Variants in ADAM12 observed in about 807,000 individuals in gnomAD.
ADAM12 encodes the protein ADAM metallopeptidase domain 12, also known as disintegrin and metalloproteinase domain-containing protein 12.
Under a neutral mutation model 106.4 loss-of-function variants are expected in ADAM12, and 70 were observed. The observed-to-expected ratio is 0.66, with a 90% CI of 0.54 to 0.80. The LOEUF (loss-of-function observed/expected upper bound fraction) is 0.80, where lower values mean the gene tolerates loss of function less well. Among genes scored for constraint, ADAM12 ranks in the 30% least tolerant of loss-of-function variants. The pLI is 0.00. For missense variants in ADAM12, 1,010 were observed against 1,171.9 expected (o/e 0.86, Z 2.02); for synonymous variants, 420 against 433.5 (o/e 0.97, Z 0.39).
rs537791746 is a variant in ADAM12, at chr10:126,172,979, C to G, written c.261-17674G>C. The stretch of plus-strand genomic sequence containing the variant: ...GTGGGGACATGGATGAAGCTAGAAA[C>G]CATCATTCTTAGCAAACTAACACAA... On this transcript the variant is annotated intron_variant, in intron 3 of 22. Transcript: ENST00000448723. 2.0e-5 allele frequency among the ~76,000 whole-genome samples: 3 copies of G among 152,236 alleles called. No homozygotes were observed. In the South Asian group the frequency reaches 6.2e-4, roughly 32 times the overall value.
At chr10:126,027,876 G>A (rs1482536003) in intron 21 of ADAM12, among the ~76,000 whole-genome samples, 3 of 152,166 alleles carry the variant, frequency 2.0e-5, no homozygotes, top group Non-Finnish European at 2.9e-5. Flanking sequence ...GAGAAAGGAA[G>A]TGTATTCAAA....
chr10:126,345,844 G>C (rs1346059164), intron 1 of ADAM12, among the ~76,000 whole-genome samples: 2 of 152,156 alleles, frequency 1.3e-5, no homozygotes, highest in Non-Finnish European at 2.9e-5. Flanking sequence ...ATGGTAGTTT[G>C]TATTTCTGTA....
At chr10:126,250,316 C>T (rs1320759443) in intron 3 of ADAM12, among the ~76,000 whole-genome samples, 1 of 152,130 alleles carries the variant, frequency 6.6e-6, no homozygotes, top group East Asian at 1.9e-4. Flanking sequence ...ACAAACAGTG[C>T]TCTCTAAGAT....
chr10:126,050,529 C>A (rs1370440133), intron 14 of ADAM12, among the ~76,000 whole-genome samples: 2 of 152,344 alleles, frequency 1.3e-5, no homozygotes, highest in Non-Finnish European at 1.5e-5. Context: ...CTGTTTGGCA[C>A]TTTATCTCAC....
chr10:126,365,805 G>A (rs1303388706), intron 1 of ADAM12, among the ~76,000 whole-genome samples: 2 of 152,170 alleles, frequency 1.3e-5, no homozygotes, highest in African/African-American at 4.8e-5. Flanking sequence ...TGGGGACACA[G>A]CCAAACCATA....
In ADAM12 at chr10:126,049,842, C is replaced by T. The variant is rs748782693; in HGVS notation, c.1610-173G>A. ...GGAAGCCTAGGGTGTCAGCAGCTCG[C>T]ATCCTCTCTTGACTCGGCCTCTGGC... On this transcript the variant is annotated intron_variant, in intron 14 of 22. Coordinates refer to ENST00000448723, the MANE Select transcript of ADAM12 (RefSeq NM_001288973.2). The surrounding 1 kb of genome is among the most constrained non-coding windows in gnomAD (Gnocchi z 4.4). 5.9e-5 allele frequency among the ~76,000 whole-genome samples: 9 copies of T among 152,168 alleles called. No homozygotes were observed. The highest frequency in any genetic ancestry group is 1.0e-4 in the Non-Finnish European group (7 of 68,036).
chr10:126,238,590 T>C (rs1258503917), intron 3 of ADAM12, among the ~76,000 whole-genome samples: 1 of 152,222 alleles, frequency 6.6e-6, no homozygotes, highest in Non-Finnish European at 1.5e-5. Flanking sequence ...AAACTGCATG[T>C]TGCGTACTTT....
intron 1 of ADAM12, among the ~76,000 whole-genome samples, chr10:126,369,200 A>G (rs1432240833): frequency 1.3e-5 from 2 of 152,208 alleles, no homozygotes; most frequent in African/African-American, 4.8e-5. Flanking sequence ...TTAAGAGTAG[A>G]GCTTTAGTGA....
chr10:126,075,124 T>C (rs1364670096), intron 11 of ADAM12, among the ~76,000 whole-genome samples: 1 of 152,168 alleles, frequency 6.6e-6, no homozygotes, highest in Non-Finnish European at 1.5e-5. Flanking sequence ...ATTTCCTCTA[T>C]GTAATGAAGA....
chr10:126,283,070 G>T (rs143397618), intron 2 of ADAM12, among the ~76,000 whole-genome samples: 4 of 151,670 alleles, frequency 2.6e-5, no homozygotes, highest in African/African-American at 9.7e-5. Context: ...ATCATCAGGC[G>T]TTAGATTCTC....
chr10:126,052,644 A>C (rs1340054351), intron 14 of ADAM12, among the ~76,000 whole-genome samples: 2 of 152,162 alleles, frequency 1.3e-5, no homozygotes, highest in Non-Finnish European at 2.9e-5. Flanking sequence ...GGAGTACAGA[A>C]GGATAAAAAC....
chr10:126,213,326 T>C (rs1324070604), intron 3 of ADAM12, among the ~76,000 whole-genome samples: 1 of 152,208 alleles, frequency 6.6e-6, no homozygotes, highest in East Asian at 1.9e-4. Context: ...ATATGGTTCG[T>C]TCTTTAGATA....
intron 11 of ADAM12, among the ~76,000 whole-genome samples, chr10:126,078,593 A>T (rs915764708): frequency 2.6e-5 from 4 of 152,154 alleles, no homozygotes; most frequent in Non-Finnish European, 5.9e-5. Flanking sequence ...AATTCCCAAG[A>T]CTAGTAATTG....
chr10:126,345,114 G>T (rs1855086580), intron 1 of ADAM12, among the ~76,000 whole-genome samples: 1 of 152,150 alleles, frequency 6.6e-6, no homozygotes, highest in African/African-American at 2.4e-5. Context: ...TTTTGAAAGG[G>T]AATGCTTCCA....
rs61863368 is a variant in ADAM12, at chr10:126,128,828, G to A, written c.416+6756C>T. Among the ~76,000 whole-genome samples the A allele has an allele frequency of 8.2e-3, 1,237 of 151,476 alleles. 6 individuals carry two copies. The highest frequency in any genetic ancestry group is 0.013 in the Non-Finnish European group (894 of 67,812). On this transcript the variant is annotated intron_variant, in intron 5 of 22. Coordinates refer to ENST00000448723, the MANE Select transcript of ADAM12 (RefSeq NM_001288973.2). ...TGCAAGTGGACGCCTGCGCATGTGA[G>A]TGTGTGGTGCGTGTGGGAATGTGTG... is the stretch of plus-strand genomic sequence containing the variant.
chr10:126,351,490 C>G (rs1855357241), intron 1 of ADAM12, among the ~76,000 whole-genome samples: 2 of 152,284 alleles, frequency 1.3e-5, no homozygotes, highest in Admixed American at 1.3e-4. Context: ...GACACAGAGC[C>G]CATGCATGGC....
chr10:126,144,347 G>A (rs951771028), intron 4 of ADAM12, among the ~76,000 whole-genome samples: 6 of 152,148 alleles, frequency 3.9e-5, no homozygotes, highest in East Asian at 3.9e-4. Flanking sequence ...ACATGGGGAC[G>A]CAATTCATAA....
chr10:126,270,920 T>C (rs963217210), intron 3 of ADAM12, among the ~76,000 whole-genome samples: 2 of 152,214 alleles, frequency 1.3e-5, no homozygotes, highest in Non-Finnish European at 2.9e-5. Flanking sequence ...GTGACAGCTA[T>C]TTAGATACCG....
chr10:126,147,906 T>C (rs1956658218), intron 4 of ADAM12, among the ~76,000 whole-genome samples: 1 of 152,248 alleles, frequency 6.6e-6, no homozygotes, highest in Admixed American at 6.5e-5. Context: ...GTTGACAAGA[T>C]GCATGTAACA....
Sources: gnomAD v4.1 joint callset for allele counts (sites outside exome capture counted in the v4.1 genomes callset) on GRCh38, gnomAD v4.1.1 for gene constraint, Gnocchi (gnomAD v3.1) non-coding constraint, MANE v1.5 for transcripts, NCBI Gene and HGNC (gene_info 2026-07-23, HGNC 2026-07-21) for gene names.